Variants in ATP8B1 observed in about 807,000 individuals in gnomAD.
ATP8B1 encodes the protein phospholipid-transporting ATPase IC.
In ATP8B1, 80 loss-of-function variants were observed where a neutral mutation model predicts 149.9. The observed-to-expected ratio is 0.53, with a 90% CI of 0.45 to 0.64. The LOEUF is 0.64. Ranked by LOEUF, ATP8B1 falls within the 30% of genes least tolerant of loss-of-function variation. The pLI is 0.00. For synonymous variants in ATP8B1, 536 were observed against 562.8 expected (o/e 0.95, Z 0.67); for missense variants, 1,247 against 1,552.6 (o/e 0.80, Z 3.31).
intron 2 of ATP8B1, among the ~76,000 whole-genome samples, chr18:57,713,232 CTTCCTTCCTTCT>C (rs796301094): frequency 1.1e-3 from 115 of 105,936 alleles, no homozygotes; most frequent in East Asian, 9.3e-3. Context: ...TCCTTCCTTC[CTTCCTTCCTTCT>C]TTCTTTCTTT....
chr18:57,737,345 T>C (rs1173490709), intron 1 of ATP8B1, among the ~76,000 whole-genome samples: 1 of 152,128 alleles, frequency 6.6e-6, no homozygotes. Context: ...CTTTCTCTTA[T>C]TATTGTTATT....
intron 1 of ATP8B1, among the ~76,000 whole-genome samples, chr18:57,772,194 G>A (rs1002480003): frequency 2.6e-5 from 4 of 152,100 alleles, no homozygotes; most frequent in African/African-American, 7.2e-5. Flanking sequence ...TCTACTACCC[G>A]CCCATCAGTG....
intron 1 of ATP8B1, among the ~76,000 whole-genome samples, chr18:57,789,020 G>A (rs1412648311): frequency 6.6e-6 from 1 of 152,128 alleles, no homozygotes; most frequent in African/African-American, 2.4e-5. Context: ...TGAATATACA[G>A]GAAGTCCACA....
chr18:57,652,557 C>T lies in ATP8B1; in HGVS notation c.3188G>A (p.Gly1063Glu). 6.2e-7 allele frequency: 1 copy of T among 1,614,166 alleles called. No homozygotes were observed. The highest frequency in any genetic ancestry group is 8.5e-7 in the Non-Finnish European group (1 of 1,180,044). ...GAYLQTVGQD[G>E]EAPSDYQSFA... Reference sequence around the variant, plus strand: ...AGACTGGTAGTCGGAAGGTGCCTCTCCATCCTGCCCTACGGTTTGCAGATA... The same window carrying T: ...AGACTGGTAGTCGGAAGGTGCCTCTTCATCCTGCCCTACGGTTTGCAGATA... Residue 1063 changes from glycine (G) to glutamate (E), a missense_variant, in exon 25 of 28, where the codon GGA becomes GAA. Gly to Glu is a moderately conservative substitution (Grantham distance 98). Transcript: ENST00000648908.
chr18:57,734,016 C>A (rs2079820038), intron 1 of ATP8B1: 1 of 152,126 alleles, frequency 6.6e-6, no homozygotes, highest in South Asian at 2.1e-4. Context: ...TGTGGCATCT[C>A]ATATTATAGG....
chr18:57,778,128 T>C (rs907025384), intron 1 of ATP8B1, among the ~76,000 whole-genome samples: 4 of 152,170 alleles, frequency 2.6e-5, no homozygotes, highest in African/African-American at 9.7e-5. Context: ...ACCTTAAATC[T>C]TTGCCCTTGT....
intron 1 of ATP8B1, among the ~76,000 whole-genome samples, chr18:57,791,373 CAG>C (rs1461304307): frequency 9.4e-6 from 1 of 106,106 alleles, no homozygotes; most frequent in Admixed American, 1.1e-4. Flanking sequence ...TTTTTTGAGG[CAG>C]AGTTTCACTC....
At chr18:57,724,529 T>G (rs2123093378) in intron 2 of ATP8B1, among the ~76,000 whole-genome samples, 1 of 152,196 alleles carries the variant, frequency 6.6e-6, no homozygotes, top group African/African-American at 2.4e-5. Flanking sequence ...ATCAGAGAAA[T>G]GCAAATCAAA....
chr18:57,647,713 A>G lies in ATP8B1; in HGVS notation c.*775T>C, dbSNP rs1909263008. ...ACGTTCCCTTTCAACCATAATGTAC[A>G]TAACCAGTTGAATAATAGGACTTTT... is the stretch of plus-strand genomic sequence containing the variant. On this transcript the variant is annotated 3_prime_UTR_variant, in exon 28 of 28. Transcript: ENST00000648908. The G allele has an allele frequency of 6.5e-6, 1 of 153,496 alleles. No homozygotes were observed. Among genetic ancestry groups the G allele is most frequent in the Non-Finnish European group, 1.5e-5 (1 of 68,702 alleles). The allele number at this position is 153,496 out of a possible 1,614,324, so 9.5% of individuals were successfully genotyped here. A position where few individuals can be genotyped will look rare whatever the true frequency, so the allele number is the denominator to read the frequency against.
chr18:57,701,062 C>T lies in ATP8B1; in HGVS notation c.531G>A (p.Thr177=), dbSNP rs765585981. Residue 177 remains threonine (T), a synonymous_variant, in exon 6 of 28, where the codon ACG becomes ACA. Transcript: ENST00000648908. ...ACCTGCCATCCTTAATGACTTCACA[C>T]GTCCTATTGTTGATTTCCTTATCCA... ...HKMDKEINNR[T]CEVIKDGRFK... is the part of the protein sequence containing the mutation. 34 of 1,614,030 alleles carry T rather than the reference C, an allele frequency of 2.1e-5. No individual in the cohort carries two copies. The South Asian group carries it at 3.0e-4, about 14-fold the overall frequency.
chr18:57,690,776 A>G (rs1912490202), intron 12 of ATP8B1, among the ~76,000 whole-genome samples: 1 of 152,236 alleles, frequency 6.6e-6, no homozygotes, highest in African/African-American at 2.4e-5. Context: ...GCTATTCTTT[A>G]TCAGAACTAA....
chr18:57,713,902 C>T (rs1285862483), intron 2 of ATP8B1, among the ~76,000 whole-genome samples: 1 of 152,092 alleles, frequency 6.6e-6, no homozygotes, highest in African/African-American at 2.4e-5. Context: ...GCTGGGATTA[C>T]AGGCATGAGA....
chr18:57,726,994 C>G (rs557631652), intron 2 of ATP8B1, among the ~76,000 whole-genome samples: 8 of 152,190 alleles, frequency 5.3e-5, no homozygotes, highest in Non-Finnish European at 1.2e-4. Context: ...GCAGGAGAAT[C>G]ACTTGAACCC....
chr18:57,717,932 G>A (rs1233146963), intron 2 of ATP8B1, among the ~76,000 whole-genome samples: 1 of 151,686 alleles, frequency 6.6e-6, no homozygotes, highest in Non-Finnish European at 1.5e-5. Context: ...TTTTAGTAGA[G>A]ACAGGGTTCC....
intron 16 of ATP8B1, 43 bp downstream of exon 16, chr18:57,674,791 A>G: frequency 1.2e-6 from 2 of 1,603,842 alleles, no homozygotes; most frequent in South Asian, 1.1e-5. Flanking sequence ...CACAAGCAAC[A>G]TCTAAATGAG....
intron 23 of ATP8B1, among the ~76,000 whole-genome samples, chr18:57,654,755 C>T (rs933417131): frequency 1.1e-4 from 16 of 140,042 alleles, no homozygotes; most frequent in Non-Finnish European, 2.3e-4. Context: ...AGCGCAGTCT[C>T]GGCTCACCAC....
chr18:57,802,937 C>G lies in ATP8B1; in HGVS notation c.-26+61G>C, dbSNP rs2080596531. On this transcript the variant is annotated intron_variant, in intron 1 of 27. Coordinates refer to ENST00000648908, the MANE Select transcript of ATP8B1 (RefSeq NM_001374385.1). The surrounding 1 kb of genome is among the most constrained non-coding windows in gnomAD (Gnocchi z 4.9). ...GGGAGCGGCCAGGGAACCTGCAGGA[C>G]ACCGCCGGGCCAAGGGGCTTGGGAA... 6.6e-6 allele frequency: 1 copy of G among 152,258 alleles called. No homozygotes were observed. The highest frequency in any genetic ancestry group is 1.5e-5 in the Non-Finnish European group (1 of 68,100). 9.4% of individuals were successfully genotyped at this position (152,258 alleles called of 1,614,324 possible).
chr18:57,799,755 C>T (rs545248548), intron 1 of ATP8B1, among the ~76,000 whole-genome samples: 2 of 150,258 alleles, frequency 1.3e-5, no homozygotes, highest in East Asian at 3.9e-4. Context: ...TATACATATA[C>T]ACACGTATAT....
At chr18:57,726,699 A>G (rs2079712226) in intron 2 of ATP8B1, among the ~76,000 whole-genome samples, 1 of 152,226 alleles carries the variant, frequency 6.6e-6, no homozygotes, top group Non-Finnish European at 1.5e-5. Flanking sequence ...TTCCATGAGC[A>G]AGAGATTCTT....
Sources: gnomAD v4.1 joint callset for allele counts (sites outside exome capture counted in the v4.1 genomes callset) on GRCh38, gnomAD v4.1.1 for gene constraint, Gnocchi (gnomAD v3.1) non-coding constraint, MANE v1.5 for transcripts, NCBI Gene and HGNC (gene_info 2026-07-23, HGNC 2026-07-21) for gene names.